Variants in GATA4 observed in about 807,000 individuals in gnomAD.
The protein encoded by GATA4 is transcription factor GATA-4.
Under a neutral mutation model 37.9 loss-of-function variants are expected in GATA4, and 7 were observed. The ratio of observed to expected loss-of-function variants is 0.18; its 90% confidence interval spans 0.11 to 0.35. The LOEUF (loss-of-function observed/expected upper bound fraction) is 0.35. Among genes scored for constraint, GATA4 ranks in the 10% least tolerant of loss-of-function variants. The probability of loss-of-function intolerance (pLI) is 1.00; values close to 1 mark genes in which losing one functional copy is unlikely to be tolerated. For synonymous variants in GATA4, 372 were observed against 292.6 expected (o/e 1.27, Z -2.77); for missense variants, 647 against 653.0 (o/e 0.99, Z 0.10).
intron 6 of GATA4, 126 bp from the exon 7 acceptor site, chr8:11,758,167 G>T (rs1326780539): frequency 9.2e-6 from 8 of 871,358 alleles, no homozygotes; most frequent in Non-Finnish European, 1.5e-5. Context: ...AGTGCTCCTT[G>T]GTCCCTTCCT....
rs547754220 is a variant in GATA4, at chr8:11,697,599, C to T, written c.-728-2909C>T. The T allele has an allele frequency of 2.2e-4, 216 of 985,436 alleles. 1 individual carries two copies. The highest frequency in any genetic ancestry group is 6.1e-4 in the South Asian group (13 of 21,286). The allele number at this position is 985,436 out of a possible 1,614,324, so 61.0% of individuals were successfully genotyped here. A position where few individuals can be genotyped will look rare whatever the true frequency, so the allele number is the denominator to read the frequency against. On this transcript the variant is annotated intron_variant, in intron 1 of 2. Coordinates refer to the GATA4 transcript ENST00000526974. ...CTGTCTGAAGGGGTCCTCGCCTGCGCCGAGGATGGCCGGACGGCCGGGCCT... is the reference window on the plus strand; with the variant it reads ...CTGTCTGAAGGGGTCCTCGCCTGCGTCGAGGATGGCCGGACGGCCGGGCCT...
chr8:11,711,632 T>C (rs556975731), intron 2 of GATA4, among the ~76,000 whole-genome samples: 1 of 151,248 alleles, frequency 6.6e-6, no homozygotes, highest in Non-Finnish European at 1.5e-5. Flanking sequence ...TTTAAAAAAT[T>C]AGCCAGGCTT....
chr8:11,680,413 C>G, intron 1 of GATA4: 1 of 924,698 alleles, frequency 1.1e-6, no homozygotes, highest in Non-Finnish European at 1.3e-6. Context: ...CCTCGGCCCA[C>G]GAGGCTGAGG....
chr8:11,748,703 C>G lies in GATA4; in HGVS notation c.617-213C>G, dbSNP rs1425911367. Among the ~76,000 whole-genome samples, 3 of 152,130 alleles carry G rather than the reference C, an allele frequency of 2.0e-5. No homozygotes were observed. In the South Asian group the frequency reaches 6.2e-4, roughly 32 times the overall value. On this transcript the variant is annotated intron_variant, in intron 2 of 6. Transcript: ENST00000532059. ...ACGTGGGTGATCACTGCAACTTTTT[C>G]CTCTTCTCGTGCTCAGGGGAACTCT...
chr8:11,750,060 G>A (rs1802223669), intron 3 of GATA4, 51 bp from the exon 4 acceptor site: 3 of 1,613,278 alleles, frequency 1.9e-6, no homozygotes, highest in Non-Finnish European at 2.5e-6. Flanking sequence ...AGGTGGAAGG[G>A]CAGTGCACAC....
intron 4 of GATA4, among the ~76,000 whole-genome samples, chr8:11,754,681 C>T (rs1018656679): frequency 1.3e-5 from 2 of 152,210 alleles, no homozygotes; most frequent in African/African-American, 4.8e-5. Flanking sequence ...ACGTGCCCCT[C>T]CTTCCCACTC....
chr8:11,691,348 T>C (rs1213154587), upstream of GATA4, among the ~76,000 whole-genome samples: 2 of 152,240 alleles, frequency 1.3e-5, no homozygotes, highest in Non-Finnish European at 2.9e-5. Context: ...TTGCCCAGGC[T>C]GGCGTGCAGT....
At chr8:11,729,581 C>G (rs143493053) in intron 2 of GATA4, among the ~76,000 whole-genome samples, 1 of 151,166 alleles carries the variant, frequency 6.6e-6, no homozygotes, top group Non-Finnish European at 1.5e-5. Flanking sequence ...GCAGAAGCTA[C>G]TTAGGTTGAA....
chr8:11,757,081 C>T lies in GATA4; in HGVS notation c.1147C>T (p.Gln383Ter), dbSNP rs1261254842. The T allele has an allele frequency of 1.9e-6, 3 of 1,613,906 alleles. No homozygotes were observed. The highest frequency in any genetic ancestry group is 1.7e-6 in the Non-Finnish European group (2 of 1,179,826). ...CTACGGGCACAGCAGCTCCGTGTCC[C>T]AGGTACGCGCCATGGCTGGGGCGCC... ...SHYGHSSSVS[Q>*]TFSVSAMSGH... The change falls in exon 6 of 7, where the codon CAG becomes TAG. Residue 383 changes from glutamine (Q) to a stop codon, truncating the protein, a stop_gained and splice_region_variant. Transcript: ENST00000532059. LOFTEE classifies it high-confidence loss of function.
intron 2 of GATA4, among the ~76,000 whole-genome samples, chr8:11,718,598 CT>C (rs543809907): frequency 6.6e-6 from 1 of 152,180 alleles, no homozygotes; most frequent in South Asian, 2.1e-4. Flanking sequence ...TGGAGTTTTC[CT>C]TTGTACTCAA....
intron 2 of GATA4, among the ~76,000 whole-genome samples, chr8:11,728,798 C>T (rs1801065696): frequency 6.6e-6 from 1 of 152,168 alleles, no homozygotes; most frequent in Non-Finnish European, 1.5e-5. Context: ...GAGAATTTGC[C>T]TTCCTTCTCA....
At position 11,708,572 on chromosome 8, in the gene GATA4, C is replaced by A. The variant is rs1050251819; in HGVS notation, c.260C>A (p.Pro87Gln). 10 of 1,369,800 alleles carry A rather than the reference C, an allele frequency of 7.3e-6. No homozygotes were observed. The African/African-American group carries it at 9.1e-5, about 13-fold the overall frequency. The allele number at this position is 1,369,800 out of a possible 1,614,324, so 84.9% of individuals were successfully genotyped here. Residue 87 changes from proline (P) to glutamine (Q), a missense_variant, in exon 2 of 7, where the codon CCG (proline) becomes CAG (glutamine). Pro to Gln is a moderately conservative substitution (Grantham distance 76). Coordinates refer to ENST00000532059, the MANE Select transcript of GATA4 (RefSeq NM_001308093.3). This position sits in a 1 kb window ranked among gnomAD's most constrained non-coding sequence, Gnocchi z 6.7. ...GAGPGTQQGS[P>Q]GWSQAGADGA... ...GGGCCCGGGACCCAGCAGGGCAGCC[C>A]GGGATGGAGCCAGGCGGGAGCCGAC...
chr8:11,742,208 C>G (rs1039807198), intron 2 of GATA4, among the ~76,000 whole-genome samples: 2 of 152,104 alleles, frequency 1.3e-5, no homozygotes, highest in African/African-American at 4.8e-5. Flanking sequence ...TCCACAGTTC[C>G]TCCAGTGACA....
At chr8:11,745,286 G>A (rs1328471275) in intron 2 of GATA4, among the ~76,000 whole-genome samples, 2 of 152,056 alleles carry the variant, frequency 1.3e-5, no homozygotes, top group East Asian at 3.9e-4. Context: ...GGTGGGCACA[G>A]TTCTGGGGTG....
chr8:11,704,901 C>T (rs1299199323), intron 1 of GATA4, among the ~76,000 whole-genome samples: 1 of 152,234 alleles, frequency 6.6e-6, no homozygotes. Context: ...ACTGAATGCT[C>T]CTCTGGAAGC....
chr8:11,695,336 G>C (rs1252841418), intron 1 of GATA4, among the ~76,000 whole-genome samples: 1 of 152,126 alleles, frequency 6.6e-6, no homozygotes, highest in Non-Finnish European at 1.5e-5. Context: ...AACCCGGGAG[G>C]CAGAGGTTGC....
At chr8:11,684,154 C>G (rs1231884743) in intron 1 of GATA4, among the ~76,000 whole-genome samples, 1 of 152,212 alleles carries the variant, frequency 6.6e-6, no homozygotes, top group Non-Finnish European at 1.5e-5. Flanking sequence ...GAAACTAAAG[C>G]CCCTGAAACC....
chr8:11,710,901 C>T (rs1032507902), intron 2 of GATA4, among the ~76,000 whole-genome samples: 1 of 152,124 alleles, frequency 6.6e-6, no homozygotes, highest in South Asian at 2.1e-4. Context: ...GCAGGCGGAT[C>T]ACAAGGTCAG....
upstream of GATA4, among the ~76,000 whole-genome samples, chr8:11,699,948 C>G: frequency 6.6e-6 from 1 of 152,178 alleles, no homozygotes; most frequent in Middle Eastern, 3.4e-3. Context: ...GGTAGAAAGT[C>G]GATATTAAAT....
Sources: gnomAD v4.1 joint callset for allele counts (sites outside exome capture counted in the v4.1 genomes callset) on GRCh38, gnomAD v4.1.1 for gene constraint, Gnocchi (gnomAD v3.1) non-coding constraint, MANE v1.5 for transcripts, NCBI Gene and HGNC (gene_info 2026-07-23, HGNC 2026-07-21) for gene names.